Variants in C12orf50 observed in about 807,000 individuals in gnomAD.
C12orf50 encodes uncharacterized protein C12orf50.
A neutral mutation model predicts 61.6 loss-of-function variants in C12orf50; 35 were observed. The ratio of observed to expected loss-of-function variants is 0.57; its 90% CI spans 0.43 to 0.75. The LOEUF is 0.75. C12orf50 is among the 30% of genes least tolerant of loss of function. The pLI is 0.00. For synonymous variants in C12orf50, 178 were observed against 161.5 expected (o/e 1.10, Z -0.77); for missense variants, 475 against 488.5 (o/e 0.97, Z 0.26).
chr12:88,025,803 A>T (rs972838629), intron 3 of C12orf50, among the ~76,000 whole-genome samples: 2 of 152,190 alleles, frequency 1.3e-5, no homozygotes, highest in Admixed American at 1.3e-4. Flanking sequence ...CCATAGAAGG[A>T]AAGTAGAGTA....
intron 11 of C12orf50, chr12:87,985,115 T>C (rs1475503821): frequency 5.9e-5 from 9 of 152,034 alleles, no homozygotes; most frequent in Non-Finnish European, 1.0e-4. Context: ...AAAGATATAG[T>C]CTTATGTTTC....
chr12:88,014,702 G>T (rs12296746), intron 3 of C12orf50, among the ~76,000 whole-genome samples: 39,266 of 152,134 alleles, frequency 0.26, 10,170 homozygotes, highest in African/African-American at 0.67. Context: ...GGACCTCATT[G>T]TCTTCATCTG....
chr12:87,994,636 C>T lies in C12orf50; in HGVS notation c.589G>A (p.Gly197Arg), dbSNP rs1414039450. The change falls in exon 7 of 13, where the codon GGA becomes AGA. Residue 197 changes from glycine to arginine, a missense_variant. By Grantham distance (125) the Gly-to-Arg change is moderately radical (BLOSUM62 -2). Transcript: ENST00000298699. ...AATCAGTAATAAATTAACTCACCTC[C>T]ATTTTCAAAAGCAGCAATGTCAGTC... ...PKTDIAAFEN[G>R]GGDCYVPQRV... The T allele has an allele frequency of 1.3e-6, 2 of 1,599,890 alleles. No homozygotes were observed. Among genetic ancestry groups the T allele is most frequent in the Admixed American group, 1.7e-5 (1 of 59,892 alleles).
intron 8 of C12orf50, 88 bp from the exon 9 acceptor site, chr12:87,988,054 T>C: frequency 1.4e-6 from 1 of 710,934 alleles, no homozygotes. Context: ...AAACATTACA[T>C]AATGGGAACA....
chr12:88,011,140 G>A (rs2032093906), intron 3 of C12orf50, among the ~76,000 whole-genome samples: 1 of 151,958 alleles, frequency 6.6e-6, no homozygotes, highest in South Asian at 2.1e-4. Context: ...TATATATTAT[G>A]TAGTGATTAC....
At position 88,019,559 on chromosome 12, in the gene C12orf50, T is replaced by A. The variant is rs116155187; in HGVS notation, c.133+6929A>T. ...GATCAAATAGAGTCTCTTGTTACAT[T>A]TGGGAGTCACTGACATGTGGATCAT... On this transcript the variant is annotated intron_variant, in intron 3 of 12. Coordinates refer to ENST00000298699, the MANE Select transcript of C12orf50 (RefSeq NM_152589.3). 6.9e-3 allele frequency among the ~76,000 whole-genome samples: 1,046 copies of A among 151,958 alleles called. 14 individuals carry two copies. The highest frequency in any genetic ancestry group is 0.024 in the African/African-American group (1,010 of 41,448).
At chr12:87,981,295 C>G (rs2030456264) in intron 12 of C12orf50, among the ~76,000 whole-genome samples, 2 of 152,066 alleles carry the variant, frequency 1.3e-5, no homozygotes, top group Non-Finnish European at 2.9e-5. Flanking sequence ...TGTGAGAGAG[C>G]TAGTAAGAGA....
chr12:88,029,175 G>A, intron 1 of C12orf50, 165 bp downstream of exon 1: 1 of 1,074,956 alleles, frequency 9.3e-7, no homozygotes, highest in Non-Finnish European at 1.2e-6. Flanking sequence ...AAATATATAT[G>A]AATTTCAGGA....
intron 3 of C12orf50, among the ~76,000 whole-genome samples, chr12:88,015,364 A>G (rs544835402): frequency 1.4e-4 from 22 of 152,374 alleles, no homozygotes; most frequent in African/African-American, 5.3e-4. Context: ...TAGACATTCT[A>G]AAGAAAGCTG....
intron 3 of C12orf50, among the ~76,000 whole-genome samples, chr12:88,022,084 C>G (rs1350837903): frequency 6.7e-6 from 1 of 150,334 alleles, no homozygotes; most frequent in Non-Finnish European, 1.5e-5. Flanking sequence ...ACACAGATGT[C>G]AAAATCCTCA....
intron 3 of C12orf50, among the ~76,000 whole-genome samples, chr12:88,000,882 A>C (rs2031627032): frequency 6.6e-6 from 1 of 151,936 alleles, no homozygotes; most frequent in Non-Finnish European, 1.5e-5. Context: ...TTAATATTGT[A>C]TCCTGCAATG....
chr12:88,010,007 C>T (rs565621398), intron 3 of C12orf50, among the ~76,000 whole-genome samples: 1 of 152,054 alleles, frequency 6.6e-6, no homozygotes, highest in South Asian at 2.1e-4. Context: ...GAGAGAAGTC[C>T]ATTTTTCCCT....
chr12:88,001,356 A>G (rs528513167), intron 3 of C12orf50, among the ~76,000 whole-genome samples: 1 of 151,522 alleles, frequency 6.6e-6, no homozygotes, highest in South Asian at 2.1e-4. Context: ...CTTGTTTCTG[A>G]GTTAATCTCA....
At chr12:88,001,881 T>A (rs924253512) in intron 3 of C12orf50, among the ~76,000 whole-genome samples, 5 of 151,598 alleles carry the variant, frequency 3.3e-5, no homozygotes, top group African/African-American at 9.7e-5. Flanking sequence ...CCTATCTCTT[T>A]TTTTCTTGGT....
At chr12:88,029,731 A>G (rs2032829575), upstream of C12orf50, among the ~76,000 whole-genome samples, 1 of 152,154 alleles carries the variant, frequency 6.6e-6, no homozygotes, top group South Asian at 2.1e-4. Flanking sequence ...GCCATAGGTA[A>G]ATGAGCTACT....
chr12:88,007,271 T>G (rs963785403), intron 3 of C12orf50, among the ~76,000 whole-genome samples: 4 of 152,230 alleles, frequency 2.6e-5, no homozygotes, highest in Non-Finnish European at 5.9e-5. Flanking sequence ...CTAATTGAAG[T>G]GAGTCCTCAT....
intron 3 of C12orf50, among the ~76,000 whole-genome samples, chr12:88,019,762 GA>G (rs1331758686): frequency 1.3e-5 from 2 of 151,734 alleles, no homozygotes; most frequent in Non-Finnish European, 1.5e-5. Context: ...TGAAACAAAA[GA>G]AAAAAAATGT....
intron 3 of C12orf50, among the ~76,000 whole-genome samples, chr12:88,003,240 C>A (rs1163085142): frequency 6.6e-6 from 1 of 151,642 alleles, no homozygotes; most frequent in East Asian, 1.9e-4. Flanking sequence ...CTTCCATCTG[C>A]CTCTTTTGTG....
chr12:87,994,537 T>C (rs2031292770), intron 7 of C12orf50, 96 bp downstream of exon 7: 9 of 938,884 alleles, frequency 9.6e-6, no homozygotes, highest in South Asian at 3.3e-5. Context: ...AAACATGACA[T>C]GGACAAAAAA....
Sources: gnomAD v4.1 joint callset for allele counts (sites outside exome capture counted in the v4.1 genomes callset) on GRCh38, gnomAD v4.1.1 for gene constraint, MANE v1.5 for transcripts, NCBI Gene and HGNC (gene_info 2026-07-23, HGNC 2026-07-21) for gene names.